Variants in ATP6V0A1 observed in about 807,000 individuals in gnomAD.
The protein encoded by ATP6V0A1 is V-type proton ATPase 116 kDa subunit a 1.
A neutral mutation model predicts 105.4 loss-of-function variants in ATP6V0A1; 43 were observed. The observed-to-expected ratio is 0.41, with a 90% CI of 0.32 to 0.53. The LOEUF is 0.53. Among genes scored for constraint, ATP6V0A1 ranks in the 20% least tolerant of loss-of-function variants. ATP6V0A1 has a pLI of 0.30. For missense variants in ATP6V0A1, 676 were observed against 1,051.1 expected, an observed-to-expected ratio of 0.64 and a Z score of 4.93; for synonymous variants, 362 against 372.8, an observed-to-expected ratio of 0.97 and a Z score of 0.33.
chr17:42,509,040 C>T (rs772853495), intron 19 of ATP6V0A1, among the ~76,000 whole-genome samples: 5 of 151,668 alleles, frequency 3.3e-5, no homozygotes, highest in African/African-American at 7.3e-5. Context: ...CTGAGCCAGC[C>T]TCTTCCTGCT....
At chr17:42,489,427 T>C (rs541956767) in intron 10 of ATP6V0A1, among the ~76,000 whole-genome samples, 1 of 151,960 alleles carries the variant, frequency 6.6e-6, no homozygotes, top group Non-Finnish European at 1.5e-5. Flanking sequence ...CTAGGTTGGA[T>C]TGAGGAGTGA....
At chr17:42,495,257 G>A in intron 13 of ATP6V0A1, 69 bp downstream of exon 13, 2 of 1,516,558 alleles carry the variant, frequency 1.3e-6, no homozygotes, top group Non-Finnish European at 1.8e-6. Flanking sequence ...TTTAAGACAA[G>A]TGGTAAACTG....
intron 21 of ATP6V0A1, chr17:42,519,529 C>T (rs1037343462): frequency 6.6e-6 from 1 of 152,260 alleles, no homozygotes; most frequent in African/African-American, 2.4e-5. Flanking sequence ...GGAACACAGT[C>T]TATTCAACAT....
At chr17:42,475,440 A>C (rs555243741) in intron 5 of ATP6V0A1, among the ~76,000 whole-genome samples, 35 of 152,334 alleles carry the variant, frequency 2.3e-4, no homozygotes, top group African/African-American at 8.4e-4. Context: ...TGTCCAGCCC[A>C]TGGCCTTCAG....
intron 9 of ATP6V0A1, among the ~76,000 whole-genome samples, chr17:42,485,233 T>C (rs1055381682): frequency 6.6e-6 from 1 of 152,148 alleles, no homozygotes; most frequent in African/African-American, 2.4e-5. Context: ...TGAGATACAC[T>C]TAACCTGTTT....
chr17:42,466,865 T>C (rs912018244), intron 3 of ATP6V0A1, among the ~76,000 whole-genome samples: 5 of 152,158 alleles, frequency 3.3e-5, no homozygotes, highest in African/African-American at 1.2e-4. Context: ...GGGAAGAAAC[T>C]GGCTGGGCCC....
rs758360314 is a variant in ATP6V0A1 at position 42,517,154 on chromosome 17, C to T, written c.2420+2694C>T. 4.6e-5 allele frequency among the ~76,000 whole-genome samples: 7 copies of T among 152,150 alleles called. No homozygotes were observed. In the East Asian group the frequency reaches 1.2e-3, roughly 25 times the overall value. Reference sequence around the variant, plus strand: ...CATTAGCTGGGCGTGATGGTGGGCGCCTGTAATCCCAGCTACTCGGGAGGC... The same window carrying T: ...CATTAGCTGGGCGTGATGGTGGGCGTCTGTAATCCCAGCTACTCGGGAGGC... On this transcript the variant is annotated intron_variant, in intron 21 of 21. Coordinates refer to ENST00000343619, the MANE Select transcript of ATP6V0A1 (RefSeq NM_001130021.3).
At chr17:42,472,917 G>C (rs528382981) in intron 5 of ATP6V0A1, among the ~76,000 whole-genome samples, 1 of 152,150 alleles carries the variant, frequency 6.6e-6, no homozygotes, top group African/African-American at 2.4e-5. Flanking sequence ...GTGGGAGTTA[G>C]GCCTAGCAGT....
At chr17:42,508,983 C>T (rs1422134925) in intron 19 of ATP6V0A1, among the ~76,000 whole-genome samples, 1 of 151,992 alleles carries the variant, frequency 6.6e-6, no homozygotes, top group Non-Finnish European at 1.5e-5. Flanking sequence ...CCGTTTCCTC[C>T]CTGCTCCTCC....
intron 7 of ATP6V0A1, chr17:42,478,823 T>G (rs1192161102): frequency 4.1e-6 from 1 of 244,148 alleles, no homozygotes; most frequent in Non-Finnish European, 7.4e-6. Context: ...CGTGTAGATG[T>G]TATTCTGATT....
At chr17:42,484,085 G>A (rs567465887) in intron 9 of ATP6V0A1, among the ~76,000 whole-genome samples, 4 of 151,516 alleles carry the variant, frequency 2.6e-5, no homozygotes, top group African/African-American at 9.7e-5. Flanking sequence ...TTTTTGAGAC[G>A]GAGTCTCTGT....
chr17:42,521,000 G>A, intron 21 of ATP6V0A1, 27 bp from the exon 22 acceptor site: 1 of 1,553,780 alleles, frequency 6.4e-7, no homozygotes, highest in South Asian at 1.2e-5. Context: ...TCTATTGAAT[G>A]ACAGCTTTCT....
At chr17:42,467,078 C>T (rs949689562) in intron 3 of ATP6V0A1, among the ~76,000 whole-genome samples, 1 of 151,528 alleles carries the variant, frequency 6.6e-6, no homozygotes, top group African/African-American at 2.4e-5. Context: ...ACCCGGGAGG[C>T]AGAGCTTGCA....
At chr17:42,495,900 C>A in intron 14 of ATP6V0A1, 184 bp downstream of exon 14, 1 of 521,676 alleles carries the variant, frequency 1.9e-6, no homozygotes, top group Non-Finnish European at 3.4e-6. Context: ...TGGTGAAACC[C>A]TATCTCTACT....
chr17:42,479,738 T>A (rs2089254281), intron 7 of ATP6V0A1, among the ~76,000 whole-genome samples: 1 of 152,144 alleles, frequency 6.6e-6, no homozygotes, highest in South Asian at 2.1e-4. Flanking sequence ...TGCCTAGGGG[T>A]GTAGTTTCAC....
intron 21 of ATP6V0A1, 83 bp downstream of exon 21, chr17:42,514,543 G>A (rs2092516734): frequency 4.4e-6 from 6 of 1,372,222 alleles, no homozygotes; most frequent in Non-Finnish European, 5.9e-6. Flanking sequence ...CCCACACACA[G>A]CCCTGCAGCT....
At chr17:42,476,436 A>G (rs557829923) in intron 5 of ATP6V0A1, among the ~76,000 whole-genome samples, 20 of 152,302 alleles carry the variant, frequency 1.3e-4, no homozygotes, top group African/African-American at 4.8e-4. Context: ...TGGAATGAAA[A>G]TGATAGAGAA....
chr17:42,517,621 T>G (rs2092684841), intron 21 of ATP6V0A1, among the ~76,000 whole-genome samples: 1 of 152,148 alleles, frequency 6.6e-6, no homozygotes, highest in Admixed American at 6.5e-5. Flanking sequence ...TGAATGAAAT[T>G]GGTGCTTGTG....
At chr17:42,479,603 G>T (rs969183679) in intron 7 of ATP6V0A1, among the ~76,000 whole-genome samples, 10 of 152,134 alleles carry the variant, frequency 6.6e-5, no homozygotes, top group African/African-American at 2.4e-4. Context: ...TCTTAAATTC[G>T]TGTTCTTTAC....
Sources: allele counts gnomAD v4.1 joint callset (sites outside exome capture counted in the v4.1 genomes callset), GRCh38; gene constraint gnomAD v4.1.1; transcripts MANE v1.5; gene names NCBI Gene and HGNC (gene_info 2026-07-23, HGNC 2026-07-21).